NBAS: variants seen among roughly 807,000 people sequenced by gnomAD.
NBAS encodes the protein NAG/BC035112 fusion.
Under a neutral mutation model 302.5 loss-of-function variants are expected in NBAS, and 219 were observed. That is an observed-to-expected ratio of 0.72 (90% CI 0.65 to 0.81). NBAS has a LOEUF of 0.81. Among genes scored for constraint, NBAS ranks in the 30% least tolerant of loss-of-function variants. The pLI is 0.00. For synonymous variants in NBAS, 1,118 were observed against 1,021.6 expected (o/e 1.09, Z -1.80); for missense variants, 2,932 against 2,841.6 (o/e 1.03, Z -0.72).
At chr2:15,223,654 C>A (rs1336872951) in intron 47 of NBAS, among the ~76,000 whole-genome samples, 1 of 151,840 alleles carries the variant, frequency 6.6e-6, no homozygotes, top group Non-Finnish European at 1.5e-5. Flanking sequence ...CATGGTGAAA[C>A]CCCGTCTCTA....
the NBAS span, among the ~76,000 whole-genome samples, chr2:15,158,398 A>G: frequency 2.3e-3 from 354 of 152,328 alleles, 2 homozygotes; most frequent in African/African-American, 8.3e-3. Flanking sequence ...GCAGACACAA[A>G]GGCCCCTGCC....
chr2:14,906,778 C>T, the NBAS span, among the ~76,000 whole-genome samples: 11 of 152,286 alleles, frequency 7.2e-5, no homozygotes, highest in Middle Eastern at 3.4e-3. Flanking sequence ...CAGTCCTCAA[C>T]GTGGAGAAAA....
At chr2:15,005,512 C>T in the NBAS span, among the ~76,000 whole-genome samples, 1 of 152,210 alleles carries the variant, frequency 6.6e-6, no homozygotes, top group Non-Finnish European at 1.5e-5. Flanking sequence ...CTGCCCCAGG[C>T]CATGGCCACA....
the NBAS span, among the ~76,000 whole-genome samples, chr2:15,124,602 G>A: frequency 6.6e-6 from 1 of 152,206 alleles, no homozygotes; most frequent in Admixed American, 6.5e-5. Flanking sequence ...CAGAGGCCTA[G>A]GAGGAAAGAA....
intron 21 of NBAS, among the ~76,000 whole-genome samples, chr2:15,442,750 C>T (rs1467183976): frequency 4.6e-5 from 7 of 151,716 alleles, no homozygotes; most frequent in South Asian, 4.2e-4. Flanking sequence ...ATTGATAGAC[C>T]ACTAGCAAGA....
chr2:15,182,360 G>A (rs955429180), intron 50 of NBAS, among the ~76,000 whole-genome samples: 2 of 152,314 alleles, frequency 1.3e-5, no homozygotes, highest in African/African-American at 2.4e-5. Flanking sequence ...CTAATCAGAT[G>A]GGGAAAGCAG....
chr2:15,175,579 C>T (rs1294017459), intron 51 of NBAS, among the ~76,000 whole-genome samples: 1 of 152,168 alleles, frequency 6.6e-6, no homozygotes, highest in Non-Finnish European at 1.5e-5. Flanking sequence ...TGAAAGTGAG[C>T]TCTCAATTTT....
chr2:15,047,500 G>A, the NBAS span, among the ~76,000 whole-genome samples: 7 of 151,968 alleles, frequency 4.6e-5, no homozygotes, highest in Admixed American at 4.6e-4. Context: ...TAAGGGCTAG[G>A]CCCATGCAAG....
chr2:15,054,545 A>C, the NBAS span, among the ~76,000 whole-genome samples: 1 of 152,226 alleles, frequency 6.6e-6, no homozygotes, highest in African/African-American at 2.4e-5. Context: ...ATGCAGAATA[A>C]GTGCTGTAAC....
At chr2:15,414,386 T>C (rs1249485276) in intron 25 of NBAS, among the ~76,000 whole-genome samples, 2 of 152,214 alleles carry the variant, frequency 1.3e-5, no homozygotes, top group Non-Finnish European at 1.5e-5. Flanking sequence ...CCCAATCTAA[T>C]GTTTTGAACC....
chr2:15,207,831 T>C lies in NBAS; in HGVS notation c.6432+10942A>G, dbSNP rs1666217535. On this transcript the variant is annotated intron_variant, in intron 48 of 51. Coordinates refer to ENST00000281513, the MANE Select transcript of NBAS (RefSeq NM_015909.4). Reference sequence around the variant, plus strand: ...TGTGAGTTAATTAAACCTCTTTTCTTTATAAATTACTCAGTCTCAGGTAGT... The same window carrying C: ...TGTGAGTTAATTAAACCTCTTTTCTCTATAAATTACTCAGTCTCAGGTAGT... Among the ~76,000 whole-genome samples, 4 of 152,216 alleles carry C rather than the reference T, an allele frequency of 2.6e-5. No individual in the cohort carries two copies. In the South Asian group the frequency reaches 8.3e-4, roughly 32 times the overall value.
intron 21 of NBAS, among the ~76,000 whole-genome samples, chr2:15,440,346 T>G (rs1256534514): frequency 6.6e-6 from 1 of 152,136 alleles, no homozygotes; most frequent in African/African-American, 2.4e-5. Context: ...GCATTCGCGG[T>G]TCACGAAAAA....
the NBAS span, among the ~76,000 whole-genome samples, chr2:14,782,849 C>A: frequency 6.6e-6 from 1 of 152,064 alleles, no homozygotes; most frequent in Non-Finnish European, 1.5e-5. Context: ...AGCAAGGTAA[C>A]AGAAGAACAG....
intron 48 of NBAS, among the ~76,000 whole-genome samples, chr2:15,213,965 G>A (rs1419214162): frequency 2.0e-5 from 3 of 152,122 alleles, no homozygotes; most frequent in Non-Finnish European, 4.4e-5. Flanking sequence ...AGAAGCAACT[G>A]GCTGGTCAGA....
At chr2:14,983,354 G>A in the NBAS span, among the ~76,000 whole-genome samples, 1 of 152,280 alleles carries the variant, frequency 6.6e-6, no homozygotes, top group African/African-American at 2.4e-5. Flanking sequence ...AATGAATCCA[G>A]AAATTAGAGA....
At chr2:15,337,275 C>T (rs111891831) in intron 35 of NBAS, among the ~76,000 whole-genome samples, 1 of 152,032 alleles carries the variant, frequency 6.6e-6, no homozygotes, top group Non-Finnish European at 1.5e-5. Flanking sequence ...TAGCTATAAT[C>T]GTGCACTCCA....
chr2:15,369,816 T>TAC (rs376893108), intron 31 of NBAS, among the ~76,000 whole-genome samples: 41 of 151,764 alleles, frequency 2.7e-4, no homozygotes, highest in African/African-American at 8.0e-4. Flanking sequence ...AACACACGTA[T>TAC]ACACACACAC....
At chr2:15,414,124 A>G (rs1180981863) in intron 25 of NBAS, among the ~76,000 whole-genome samples, 1 of 152,216 alleles carries the variant, frequency 6.6e-6, no homozygotes, top group East Asian at 1.9e-4. Flanking sequence ...TTAAAATCAG[A>G]TTACTAAGAG....
At chr2:15,468,276 G>T in intron 17 of NBAS, 106 bp downstream of exon 17, 2 of 1,368,652 alleles carry the variant, frequency 1.5e-6, no homozygotes, top group Non-Finnish European at 2.1e-6. Context: ...AACTGCTTCA[G>T]TACAGAATAA....
Sources: gnomAD v4.1 joint callset for allele counts (sites outside exome capture counted in the v4.1 genomes callset) on GRCh38, gnomAD v4.1.1 for gene constraint, MANE v1.5 for transcripts, NCBI Gene and HGNC (gene_info 2026-07-23, HGNC 2026-07-21) for gene names.